ZNF609: variants seen among roughly 807,000 people sequenced by gnomAD.
The protein encoded by ZNF609 is zinc finger protein 609.
ZNF609 carries 11 observed loss-of-function variants against 109.5 expected under a neutral mutation model. That is an observed-to-expected ratio of 0.10 (90% CI 0.06 to 0.17). ZNF609 has a LOEUF of 0.17. ZNF609 is among the 10% of genes least tolerant of loss of function. ZNF609 has a pLI of 1.00. For synonymous variants in ZNF609, 646 were observed against 662.0 expected, an observed-to-expected ratio of 0.98 and a Z score of 0.37; for missense variants, 1,559 against 1,772.4, an observed-to-expected ratio of 0.88 and a Z score of 2.16.
At chr15:64,600,534 G>A (rs1275269579) in intron 2 of ZNF609, among the ~76,000 whole-genome samples, 1 of 151,104 alleles carries the variant, frequency 6.6e-6, no homozygotes, top group Non-Finnish European at 1.5e-5. Flanking sequence ...CTCCTCGAAG[G>A]CTGAGGCACA....
intron 2 of ZNF609, among the ~76,000 whole-genome samples, chr15:64,566,125 C>T (rs911333358): frequency 3.3e-5 from 5 of 152,332 alleles, no homozygotes; most frequent in African/African-American, 1.2e-4. Context: ...GTTGGGATTA[C>T]AGGCTTGAGC....
intron 1 of ZNF609, among the ~76,000 whole-genome samples, chr15:64,469,049 A>AAAC (rs1893054730): frequency 6.9e-6 from 1 of 143,986 alleles, no homozygotes; most frequent in Admixed American, 7.0e-5. Flanking sequence ...AAAAAAAAAA[A>AAAC]AAAAAAACAA....
intron 2 of ZNF609, among the ~76,000 whole-genome samples, chr15:64,542,425 TTC>T (rs1567009829): frequency 6.6e-6 from 1 of 152,202 alleles, no homozygotes; most frequent in Non-Finnish European, 1.5e-5. Flanking sequence ...GACTTAAGAT[TTC>T]TCTGTGTTAT....
In ZNF609 at chr15:64,680,630, C is replaced by T; in HGVS notation, c.3946-16C>T. On this transcript the variant is annotated splice_polypyrimidine_tract_variant and intron_variant, in intron 7 of 9. Coordinates refer to ENST00000326648, the MANE Select transcript of ZNF609 (RefSeq NM_015042.2). ...GTCTCACTATAGTGCTTTTGTGTCTCTGGTTTCCTTTCCAGATAAGTGATA... is the reference window on the plus strand; with the variant it reads ...GTCTCACTATAGTGCTTTTGTGTCTTTGGTTTCCTTTCCAGATAAGTGATA... 3 of 1,567,850 alleles carry T rather than the reference C, an allele frequency of 1.9e-6. No individual in the cohort carries two copies. The highest frequency in any genetic ancestry group is 8.7e-7 in the Non-Finnish European group (1 of 1,155,116).
chr15:64,574,114 C>T (rs1004081419), intron 2 of ZNF609, among the ~76,000 whole-genome samples: 3 of 150,966 alleles, frequency 2.0e-5, no homozygotes, highest in Non-Finnish European at 2.9e-5. Flanking sequence ...GGGCTAACAG[C>T]TGGAATTGTG....
At chr15:64,638,092 A>T (rs1896203395) in intron 3 of ZNF609, among the ~76,000 whole-genome samples, 1 of 148,936 alleles carries the variant, frequency 6.7e-6, no homozygotes, top group Admixed American at 6.8e-5. Context: ...TTTGTTTAGG[A>T]TGTAAGTTGG....
intron 3 of ZNF609, among the ~76,000 whole-genome samples, chr15:64,628,392 C>T (rs1209367795): frequency 6.6e-6 from 1 of 151,936 alleles, no homozygotes; most frequent in African/African-American, 2.4e-5. Flanking sequence ...CACGGTGGCT[C>T]ACACCTGTAA....
chr15:64,540,492 C>A (rs1049878941), intron 2 of ZNF609, among the ~76,000 whole-genome samples: 2 of 151,910 alleles, frequency 1.3e-5, no homozygotes, highest in African/African-American at 4.8e-5. Context: ...GCAACCTCCG[C>A]CTCCTGGGTT....
chr15:64,514,804 AGTT>A (rs755303709), intron 2 of ZNF609, among the ~76,000 whole-genome samples: 3 of 152,002 alleles, frequency 2.0e-5, no homozygotes, highest in Admixed American at 6.6e-5. Flanking sequence ...ACACCTGGCT[AGTT>A]GTTGTATTTT....
At chr15:64,598,742 G>GTATATATA (rs1169879124) in intron 2 of ZNF609, among the ~76,000 whole-genome samples, 36 of 60,256 alleles carry the variant, frequency 6.0e-4, no homozygotes, top group East Asian at 1.1e-3. Flanking sequence ...CTTTGTGTGT[G>GTATATATA]TATATATATA....
At chr15:64,537,455 T>C (rs2140377139) in intron 2 of ZNF609, among the ~76,000 whole-genome samples, 1 of 147,604 alleles carries the variant, frequency 6.8e-6, no homozygotes, top group East Asian at 2.0e-4. Flanking sequence ...GAGCCGGGGA[T>C]CATGCCATTG....
intron 1 of ZNF609, among the ~76,000 whole-genome samples, chr15:64,474,429 T>C (rs1052866521): frequency 1.3e-5 from 2 of 151,522 alleles, no homozygotes; most frequent in African/African-American, 2.4e-5. Context: ...TTCATGCTGG[T>C]CTCGAACTCC....
Position 64,683,255 on chromosome 15 carries a change from G to A in ZNF609, c.*1569G>A, listed in dbSNP as rs2083221745. On this transcript the variant is annotated 3_prime_UTR_variant, in exon 10 of 10. Transcript: ENST00000326648. Reference sequence around the variant, plus strand: ...ACACCAGTGTAGGCTGGAAAAGGGAGTGTGTGACCAGAGTGCCAAAAGTGA... The same window carrying A: ...ACACCAGTGTAGGCTGGAAAAGGGAATGTGTGACCAGAGTGCCAAAAGTGA... 2 of 152,618 alleles carry A rather than the reference G, an allele frequency of 1.3e-5. No individual in the cohort carries two copies. Among genetic ancestry groups the A allele is most frequent in the African/African-American group, 4.8e-5 (2 of 41,424 alleles). 9.5% of individuals were successfully genotyped at this position (152,618 alleles called of 1,614,324 possible).
chr15:64,500,209 GA>G (rs746594405), intron 2 of ZNF609, 43 bp downstream of exon 2: 1 of 1,599,394 alleles, frequency 6.3e-7, no homozygotes, highest in African/African-American at 1.3e-5. Flanking sequence ...CTGCCAGTCA[GA>G]ACTGCCCTGG....
intron 2 of ZNF609, among the ~76,000 whole-genome samples, chr15:64,588,403 G>GCGT (rs1895234560): frequency 1.1e-5 from 1 of 92,648 alleles, no homozygotes; most frequent in African/African-American, 3.9e-5. Context: ...ACTCCAGCCT[G>GCGT]CGTAACAGAG....
In ZNF609 at chr15:64,499,805, C is replaced by A. The variant is rs1482999115; in HGVS notation, c.386C>A (p.Ala129Asp). 1 of 1,613,926 alleles carries A rather than the reference C, an allele frequency of 6.2e-7. No individual in the cohort carries two copies. Among genetic ancestry groups the A allele is most frequent in the Non-Finnish European group, 8.5e-7 (1 of 1,179,986 alleles). ...GTGCAGGGGCGCTCAGGAGATGGTGCCAATGCTGGAGGCCTGGTTGCTGCT... is the reference window on the plus strand; with the variant it reads ...GTGCAGGGGCGCTCAGGAGATGGTGACAATGCTGGAGGCCTGGTTGCTGCT... ...KEVQGRSGDG[A>D]NAGGLVAAIA... The change falls in exon 2 of 10, where the codon GCC becomes GAC. Residue 129 changes from alanine (A) to aspartate (D), a missense_variant. This residue lies in a region of ZNF609 where 291 missense variants were observed against 317.8 expected (regional missense o/e 0.92). Transcript: ENST00000326648.
At chr15:64,571,527 T>C (rs754006067) in intron 2 of ZNF609, among the ~76,000 whole-genome samples, 12 of 152,092 alleles carry the variant, frequency 7.9e-5, no homozygotes, top group Non-Finnish European at 1.0e-4. Context: ...TCCTTTTGGG[T>C]GGTGATTGTA....
chr15:64,622,591 A>C (rs1170252795), intron 2 of ZNF609, among the ~76,000 whole-genome samples: 5 of 152,206 alleles, frequency 3.3e-5, no homozygotes, highest in Non-Finnish European at 7.4e-5. Flanking sequence ...AAGATCATTA[A>C]GAAGATCATT....
chr15:64,519,568 T>C (rs946053077), intron 2 of ZNF609, among the ~76,000 whole-genome samples: 1 of 152,192 alleles, frequency 6.6e-6, no homozygotes, highest in African/African-American at 2.4e-5. Context: ...TAGTTAGAAT[T>C]GGTTTTATTG....
Sources: gnomAD v4.1 joint callset for allele counts (sites outside exome capture counted in the v4.1 genomes callset) on GRCh38, gnomAD v4.1.1 for gene constraint, gnomAD v4.1.1 regional missense constraint, MANE v1.5 for transcripts, NCBI Gene and HGNC (gene_info 2026-07-23, HGNC 2026-07-21) for gene names.